The following FGF9 variants were observed in gnomAD, a reference collection of about 807,000 sequenced individuals.
FGF9 encodes the protein fibroblast growth factor 9 (glia-activating factor).
In FGF9, 3 loss-of-function variants were observed where a neutral mutation model predicts 19.9. The observed-to-expected ratio is 0.15, with a 90% CI of 0.07 to 0.39. The LOEUF (loss-of-function observed/expected upper bound fraction) is 0.39. Ranked by LOEUF, FGF9 falls within the 10% of genes least tolerant of loss-of-function variation. FGF9 has a pLI of 1.00. For synonymous variants in FGF9, 107 were observed against 106.9 expected, an observed-to-expected ratio of 1.00 and a Z score of -0.01; for missense variants, 175 against 256.8, an observed-to-expected ratio of 0.68 and a Z score of 2.18.
chr13:21,682,486 A>G lies in FGF9; in HGVS notation c.381+1341A>G, dbSNP rs540530988. On this transcript the variant is annotated intron_variant, in intron 2 of 2. Transcript: ENST00000382353. The stretch of plus-strand genomic sequence containing the variant: ...CTTGTAAAAATATGTATATATAGAT[A>G]CACACATACATATATATAAAATGCT... 7.9e-5 allele frequency among the ~76,000 whole-genome samples: 12 copies of G among 152,304 alleles called. No homozygotes were observed. In the East Asian group the frequency reaches 2.1e-3, roughly 27 times the overall value.
At chr13:21,692,934 CAATT>C (rs1159987280) in intron 2 of FGF9, among the ~76,000 whole-genome samples, 10 of 152,146 alleles carry the variant, frequency 6.6e-5, no homozygotes, top group African/African-American at 1.9e-4. Context: ...TTTATCTGCT[CAATT>C]AAACAAATTT....
At chr13:21,685,731 A>G (rs1018149296) in intron 2 of FGF9, among the ~76,000 whole-genome samples, 2 of 152,206 alleles carry the variant, frequency 1.3e-5, no homozygotes, top group African/African-American at 4.8e-5. Context: ...TAGTAGAGGA[A>G]TGGACAGATG....
At chr13:21,688,194 C>T (rs1246664417) in intron 2 of FGF9, among the ~76,000 whole-genome samples, 1 of 152,198 alleles carries the variant, frequency 6.6e-6, no homozygotes, top group East Asian at 1.9e-4. Flanking sequence ...AAGGACCACT[C>T]AGCTTCTGAT....
At chr13:21,687,516 A>G (rs1444695258) in intron 2 of FGF9, among the ~76,000 whole-genome samples, 1 of 152,196 alleles carries the variant, frequency 6.6e-6, no homozygotes, top group Admixed American at 6.5e-5. Context: ...AGTGGATTTC[A>G]TATGAAGGAA....
chr13:21,683,945 C>G (rs1404132706), intron 2 of FGF9, among the ~76,000 whole-genome samples: 3 of 152,246 alleles, frequency 2.0e-5, no homozygotes, highest in African/African-American at 7.2e-5. Flanking sequence ...TGAACCGCTG[C>G]CTGGATCTGC....
At chr13:21,685,691 A>T (rs1195467635) in intron 2 of FGF9, among the ~76,000 whole-genome samples, 1 of 152,218 alleles carries the variant, frequency 6.6e-6, no homozygotes, top group East Asian at 1.9e-4. Flanking sequence ...CTATACTTGT[A>T]AATAATTCAG....
At chr13:21,689,484 A>G (rs1872238997) in intron 2 of FGF9, among the ~76,000 whole-genome samples, 1 of 151,868 alleles carries the variant, frequency 6.6e-6, no homozygotes, top group African/African-American at 2.4e-5. Context: ...GACTAGGCAG[A>G]CCCTAGTTGA....
chr13:21,672,698 A>G lies in FGF9; in HGVS notation c.277+509A>G, dbSNP rs1053306738. Among the ~76,000 whole-genome samples the G allele has an allele frequency of 6.6e-6, 1 of 152,166 alleles. No homozygotes were observed. Among genetic ancestry groups the G allele is most frequent in the Non-Finnish European group, 1.5e-5 (1 of 68,030 alleles). On this transcript the variant is annotated intron_variant, in intron 1 of 2. Coordinates refer to ENST00000382353, the MANE Select transcript of FGF9 (RefSeq NM_002010.3). This position sits in a 1 kb window ranked among gnomAD's most constrained non-coding sequence, Gnocchi z 4.2. ...TTATTCTCCCCTGTGAGGGTCTGAAAGCCCCATAGGCGAAGGTTGCTGACG... is the reference window on the plus strand; with the variant it reads ...TTATTCTCCCCTGTGAGGGTCTGAAGGCCCCATAGGCGAAGGTTGCTGACG...
intron 2 of FGF9, among the ~76,000 whole-genome samples, chr13:21,687,562 T>A (rs867952630): frequency 3.9e-4 from 60 of 152,332 alleles, no homozygotes; most frequent in African/African-American, 1.3e-3. Flanking sequence ...GCTGCCTCAC[T>A]GTAAATCCAG....
chr13:21,691,587 C>T lies in FGF9; in HGVS notation c.382-9603C>T, dbSNP rs1419414580. On this transcript the variant is annotated intron_variant, in intron 2 of 2. Transcript: ENST00000382353. The surrounding 1 kb of genome is among the most constrained non-coding windows in gnomAD (Gnocchi z 4.2). The stretch of plus-strand genomic sequence containing the variant: ...CTTTGCTGACATGTGGAGAGTCCTC[C>T]CCTGTCAGCATCAGCAGCCCCTCCG... Among the ~76,000 whole-genome samples the T allele has an allele frequency of 6.6e-6, 1 of 152,228 alleles. No homozygotes were observed. Among genetic ancestry groups the T allele is most frequent in the Non-Finnish European group, 1.5e-5 (1 of 68,038 alleles).
chr13:21,687,477 G>A (rs773369682), intron 2 of FGF9, among the ~76,000 whole-genome samples: 4 of 152,184 alleles, frequency 2.6e-5, no homozygotes, highest in Non-Finnish European at 5.9e-5. Flanking sequence ...CAAGTTAAAC[G>A]GCAAGATCAG....
chr13:21,691,729 C>A lies in FGF9; in HGVS notation c.382-9461C>A, dbSNP rs919676239. Among the ~76,000 whole-genome samples the A allele has an allele frequency of 1.3e-5, 2 of 152,230 alleles. No homozygotes were observed. Among genetic ancestry groups the A allele is most frequent in the Non-Finnish European group, 1.5e-5 (1 of 68,044 alleles). On this transcript the variant is annotated intron_variant, in intron 2 of 2. Transcript: ENST00000382353. This position sits in a 1 kb window ranked among gnomAD's most constrained non-coding sequence, Gnocchi z 4.2. ...CCTGGTCGCCTCACCCCTCCCGACT[C>A]CCCCTCACCAGGGACTGACTTGAAC...
At chr13:21,679,991 T>G (rs534716932) in intron 1 of FGF9, among the ~76,000 whole-genome samples, 11 of 151,162 alleles carry the variant, frequency 7.3e-5, no homozygotes, top group Admixed American at 3.9e-4. Context: ...AGCAGTGTCC[T>G]AAATATACTG....
rs1593088117 is a variant in FGF9 at position 21,671,647 on chromosome 13, A to G, written c.-266A>G. 1.7e-6 allele frequency: 1 copy of G among 602,908 alleles called. No individual in the cohort carries two copies. 37.3% of individuals were successfully genotyped at this position (602,908 alleles called of 1,614,324 possible). A position where few individuals can be genotyped will look rare whatever the true frequency, so the allele number is the denominator to read the frequency against. ...GAGCTGGGGATCTATCTATAGAGAT[A>G]CATAGATATGTTTATCAATATGTCA... On this transcript the variant is annotated 5_prime_UTR_variant, in exon 1 of 3. The change creates a new upstream start codon in the 5' untranslated region. Transcript: ENST00000382353.
rs146697820 is a variant in FGF9, at chr13:21,701,290, G to A, written c.482G>A (p.Arg161Gln). The A allele has an allele frequency of 3.0e-5, 48 of 1,613,856 alleles. No individual in the cohort carries two copies. The highest frequency in any genetic ancestry group is 4.0e-5 in the Non-Finnish European group (47 of 1,179,990). ...TATAAGCACGTGGACACTGGAAGGC[G>A]ATACTATGTTGCATTAAATAAAGAT... ...NLYKHVDTGR[R>Q]YYVALNKDGT... is the part of the protein sequence containing the mutation. Residue 161 changes from arginine (R) to glutamine (Q), a missense_variant, in exon 3 of 3, where the codon CGA (arginine) becomes CAA (glutamine). Arg to Gln is a conservative substitution (Grantham distance 43, BLOSUM62 1). Transcript: ENST00000382353.
Position 21,693,930 on chromosome 13 carries a change from G to A in FGF9, c.382-7260G>A, listed in dbSNP as rs187672670. On this transcript the variant is annotated intron_variant, in intron 2 of 2. Coordinates refer to ENST00000382353, the MANE Select transcript of FGF9 (RefSeq NM_002010.3). ...TGCACTGGGCAAGTTGATGCAGCCC[G>A]TTTCATTTGGTTTCTTTCCCTGTTT... Among the ~76,000 whole-genome samples, 426 of 152,252 alleles carry A rather than the reference G, an allele frequency of 2.8e-3. 1 individual carries two copies. The highest frequency in any genetic ancestry group is 9.8e-3 in the African/African-American group (405 of 41,530).
chr13:21,673,498 T>TA (rs1301868051), intron 1 of FGF9, among the ~76,000 whole-genome samples: 1 of 151,952 alleles, frequency 6.6e-6, no homozygotes, highest in Non-Finnish European at 1.5e-5. Flanking sequence ...ACTCGCTGCT[T>TA]AAAAAAAAGT....
chr13:21,701,725 G>GTGTGTC lies in FGF9; in HGVS notation c.*295_*296insCTGTGT. 1 of 407,568 alleles carries GTGTGTC rather than the reference G, an allele frequency of 2.5e-6. No individual in the cohort carries two copies. The highest frequency in any genetic ancestry group is 4.6e-6 in the Non-Finnish European group (1 of 215,716). 25.2% of individuals were successfully genotyped at this position (407,568 alleles called of 1,614,324 possible). A position where few individuals can be genotyped will look rare whatever the true frequency, so the allele number is the denominator to read the frequency against. On this transcript the variant is annotated 3_prime_UTR_variant, in exon 3 of 3. Transcript: ENST00000382353. The stretch of plus-strand genomic sequence containing the variant: ...AGTGTGTGTATGTGTGTGTGTGTGT[G>GTGTGTC]TGTGTGTGTGTGTGTATGTGTGTAG...
chr13:21,676,679 G>T (rs141469017), intron 1 of FGF9, among the ~76,000 whole-genome samples: 3 of 152,308 alleles, frequency 2.0e-5, no homozygotes, highest in Non-Finnish European at 2.9e-5. Flanking sequence ...TTAATTTTCT[G>T]CAGCCTCATG....
Sources: gnomAD v4.1 joint callset for allele counts (sites outside exome capture counted in the v4.1 genomes callset) on GRCh38, gnomAD v4.1.1 for gene constraint, Gnocchi (gnomAD v3.1) non-coding constraint, MANE v1.5 for transcripts, NCBI Gene and HGNC (gene_info 2026-07-23, HGNC 2026-07-21) for gene names.